Variants in SEMA6D observed in about 807,000 individuals in gnomAD.
SEMA6D encodes semaphorin-6D.
Under a neutral mutation model 106.6 loss-of-function variants are expected in SEMA6D, and 35 were observed. That is an observed-to-expected ratio of 0.33 (90% CI 0.25 to 0.44). The LOEUF is 0.44. Among genes scored for constraint, SEMA6D ranks in the 20% least tolerant of loss-of-function variants. The probability of loss-of-function intolerance (pLI) is 1.00; values close to 1 mark genes in which losing one functional copy is unlikely to be tolerated. For synonymous variants in SEMA6D, 499 were observed against 487.7 expected (o/e 1.02, Z -0.31); for missense variants, 1,185 against 1,345.9 (o/e 0.88, Z 1.87).
In SEMA6D at chr15:47,433,768, A is replaced by G. The variant is rs529546067; in HGVS notation, c.-159+21296A>G. On this transcript the variant is annotated intron_variant, in intron 2 of 19. Transcript: ENST00000558014. Reference sequence around the variant, plus strand: ...ACCACCAAAACTTTGGAATTCCTGGATAACTCTTAGTCTCTTTCCAAAGCA... The same window carrying G: ...ACCACCAAAACTTTGGAATTCCTGGGTAACTCTTAGTCTCTTTCCAAAGCA... 2.6e-5 allele frequency among the ~76,000 whole-genome samples: 4 copies of G among 152,264 alleles called. No homozygotes were observed. In the East Asian group the frequency reaches 7.7e-4, roughly 29 times the overall value.
At chr15:47,689,855 C>T (rs566175993) in intron 4 of SEMA6D, among the ~76,000 whole-genome samples, 11 of 152,226 alleles carry the variant, frequency 7.2e-5, no homozygotes, top group Admixed American at 2.0e-4. Context: ...CTTGCCGGGG[C>T]ACACAGCTTT....
At chr15:47,272,946 T>C (rs1486040779) in intron 1 of SEMA6D, 1 of 152,182 alleles carries the variant, frequency 6.6e-6, no homozygotes, top group African/African-American at 2.4e-5. Flanking sequence ...AGATTTGTCA[T>C]CTAATTTCAC....
At chr15:47,533,775 G>A (rs1475693313) in intron 3 of SEMA6D, among the ~76,000 whole-genome samples, 1 of 152,188 alleles carries the variant, frequency 6.6e-6, no homozygotes, top group African/African-American at 2.4e-5. Flanking sequence ...TTAGATGGAT[G>A]GAGGATGGAT....
intron 1 of SEMA6D, among the ~76,000 whole-genome samples, chr15:47,400,482 C>G (rs1218401186): frequency 1.2e-4 from 7 of 56,178 alleles, no homozygotes; most frequent in Non-Finnish European, 2.5e-4. Flanking sequence ...GAGAGAGACT[C>G]TGTCTCAAAA....
intron 4 of SEMA6D, among the ~76,000 whole-genome samples, chr15:47,613,266 C>G (rs1334566523): frequency 6.6e-6 from 1 of 152,172 alleles, no homozygotes; most frequent in Non-Finnish European, 1.5e-5. Flanking sequence ...CTCATTTATT[C>G]ATTCATTAGG....
At chr15:47,233,815 G>T (rs74820456) in intron 1 of SEMA6D, among the ~76,000 whole-genome samples, 10 of 152,010 alleles carry the variant, frequency 6.6e-5, no homozygotes, top group African/African-American at 1.7e-4. Context: ...TAACAACTTT[G>T]TGGCATTTTG....
chr15:47,279,908 G>A (rs1245254167), intron 1 of SEMA6D, among the ~76,000 whole-genome samples: 1 of 150,596 alleles, frequency 6.6e-6, no homozygotes, highest in East Asian at 2.0e-4. Context: ...GCTTTTTGAT[G>A]TGCTACTGGA....
intron 1 of SEMA6D, chr15:47,730,790 C>G (rs2080070169): frequency 6.3e-7 from 1 of 1,592,692 alleles, no homozygotes; most frequent in Non-Finnish European, 8.5e-7. Flanking sequence ...CGGGTGAGGT[C>G]TCTTTTGGGC....
intron 2 of SEMA6D, among the ~76,000 whole-genome samples, chr15:47,462,627 G>T (rs2042548369): frequency 6.6e-6 from 1 of 152,046 alleles, no homozygotes; most frequent in Admixed American, 6.6e-5. Flanking sequence ...AGGTTCTTCG[G>T]ATTTTCAGAT....
chr15:47,431,182 A>C (rs775156673), intron 2 of SEMA6D, among the ~76,000 whole-genome samples: 1 of 152,170 alleles, frequency 6.6e-6, no homozygotes, highest in Non-Finnish European at 1.5e-5. Context: ...ATTTGTATGC[A>C]AGGTATATAA....
At chr15:47,313,120 A>G (rs2036511982) in intron 1 of SEMA6D, among the ~76,000 whole-genome samples, 2 of 152,128 alleles carry the variant, frequency 1.3e-5, no homozygotes, top group South Asian at 2.1e-4. Context: ...ATCTTCATTG[A>G]CACATCATAA....
chr15:47,209,649 A>G (rs1194972501), intron 1 of SEMA6D, among the ~76,000 whole-genome samples: 1 of 152,174 alleles, frequency 6.6e-6, no homozygotes, highest in Non-Finnish European at 1.5e-5. Context: ...AATGTATACA[A>G]ATGTCAGATG....
intron 2 of SEMA6D, among the ~76,000 whole-genome samples, chr15:47,437,343 A>C (rs928189986): frequency 6.6e-6 from 1 of 152,236 alleles, no homozygotes; most frequent in Non-Finnish European, 1.5e-5. Flanking sequence ...TCACTAAGAA[A>C]ACCTGTGATT....
chr15:47,304,767 A>T (rs915697005), intron 1 of SEMA6D, among the ~76,000 whole-genome samples: 5 of 152,096 alleles, frequency 3.3e-5, no homozygotes, highest in African/African-American at 1.2e-4. Context: ...TATGAACAAG[A>T]TTCTTATCTG....
chr15:47,348,721 C>CAGAGAGAGAGAGAGAGAGAGAGAG (rs1313096616), intron 1 of SEMA6D, among the ~76,000 whole-genome samples: 2 of 24,634 alleles, frequency 8.1e-5, no homozygotes, highest in African/African-American at 2.0e-4. Context: ...ACACACACCA[C>CAGAGAGAGAGAGAGAGAGAGAGAG]ACACACAGAG....
chr15:47,714,932 A>T (rs1350236536), upstream of SEMA6D, among the ~76,000 whole-genome samples: 1 of 152,214 alleles, frequency 6.6e-6, no homozygotes, highest in Non-Finnish European at 1.5e-5. Context: ...GTAAATAGAG[A>T]TTGCTGCTGT....
chr15:47,668,919 T>G (rs891190890), intron 4 of SEMA6D, among the ~76,000 whole-genome samples: 2 of 152,220 alleles, frequency 1.3e-5, no homozygotes, highest in African/African-American at 4.8e-5. Context: ...ATTCTGACGT[T>G]AAGGTACATC....
intron 3 of SEMA6D, among the ~76,000 whole-genome samples, chr15:47,554,231 C>G (rs2045852137): frequency 6.6e-6 from 1 of 152,168 alleles, no homozygotes; most frequent in Non-Finnish European, 1.5e-5. Context: ...GTAGAGTCCT[C>G]TATTCGTAGC....
intron 1 of SEMA6D, among the ~76,000 whole-genome samples, chr15:47,281,532 A>C (rs1480829645): frequency 6.6e-6 from 1 of 151,328 alleles, no homozygotes; most frequent in East Asian, 2.0e-4. Flanking sequence ...ATTTACATTT[A>C]AAGTTAATAT....
Sources: gnomAD v4.1 joint callset for allele counts (sites outside exome capture counted in the v4.1 genomes callset) on GRCh38, gnomAD v4.1.1 for gene constraint, MANE v1.5 for transcripts, NCBI Gene and HGNC (gene_info 2026-07-23, HGNC 2026-07-21) for gene names.